The following PPP1R1C variants were observed in gnomAD, a reference collection of about 807,000 sequenced individuals.
The protein encoded by PPP1R1C is protein phosphatase 1 regulatory inhibitor subunit 1C, also known as protein phosphatase 1 regulatory subunit 1C.
A neutral mutation model predicts 17.4 loss-of-function variants in PPP1R1C; 15 were observed. The ratio of observed to expected loss-of-function variants is 0.86; its 90% CI spans 0.58 to 1.33. The LOEUF is 1.33. PPP1R1C is among the 40% of genes most tolerant of loss of function. The pLI is 0.00. For missense variants in PPP1R1C, 143 were observed against 130.0 expected, an observed-to-expected ratio of 1.10 and a Z score of -0.48; for synonymous variants, 35 against 43.1, an observed-to-expected ratio of 0.81 and a Z score of 0.73.
intron 2 of PPP1R1C, among the ~76,000 whole-genome samples, chr2:182,056,441 T>G (rs1687686927): frequency 6.6e-6 from 1 of 152,252 alleles, no homozygotes. Flanking sequence ...TTGCTATTGC[T>G]TTTGAGCAGA....
intron 4 of PPP1R1C, among the ~76,000 whole-genome samples, chr2:182,104,372 TG>T (rs1243842603): frequency 6.6e-6 from 1 of 152,236 alleles, no homozygotes; most frequent in East Asian, 1.9e-4. Context: ...ATACCTAATT[TG>T]TTAAGTGGTT....
chr2:182,105,233 T>C (rs572189671), intron 4 of PPP1R1C, among the ~76,000 whole-genome samples: 1 of 152,268 alleles, frequency 6.6e-6, no homozygotes, highest in Non-Finnish European at 1.5e-5. Flanking sequence ...GGTGTGGGAA[T>C]GTTGAAGATT....
At chr2:181,964,475 A>T (rs1684870112) in intron 1 of PPP1R1C, among the ~76,000 whole-genome samples, 1 of 152,156 alleles carries the variant, frequency 6.6e-6, no homozygotes. Context: ...TCTTTTGGGT[A>T]TACACTAAGC....
chr2:182,098,249 T>A (rs567475217), intron 4 of PPP1R1C, among the ~76,000 whole-genome samples: 4 of 152,322 alleles, frequency 2.6e-5, no homozygotes, highest in African/African-American at 4.8e-5. Flanking sequence ...GCATTTGTAC[T>A]TGTAGAAATA....
chr2:182,046,106 TTCCTTCCTTCCTTCCTTC>T (rs1203687838), intron 2 of PPP1R1C, among the ~76,000 whole-genome samples: 3 of 23,100 alleles, frequency 1.3e-4, no homozygotes, highest in Non-Finnish European at 6.4e-4. Flanking sequence ...CCTTCCTTCC[TTCCTTCCTTCCTTCCTTC>T]CTTCCTTCCT....
At chr2:182,090,908 A>G (rs1320784252) in intron 4 of PPP1R1C, among the ~76,000 whole-genome samples, 2 of 152,204 alleles carry the variant, frequency 1.3e-5, no homozygotes. Context: ...AAAGTTTGAG[A>G]ATAAAAATAG....
chr2:181,964,081 G>A (rs529082323), intron 1 of PPP1R1C, among the ~76,000 whole-genome samples: 9 of 151,998 alleles, frequency 5.9e-5, no homozygotes, highest in Non-Finnish European at 8.8e-5. Context: ...ATTTTTGTAC[G>A]CATTAACCAG....
intron 2 of PPP1R1C, among the ~76,000 whole-genome samples, chr2:182,022,137 T>C (rs1686447422): frequency 6.6e-6 from 1 of 152,296 alleles, no homozygotes; most frequent in South Asian, 2.1e-4. Context: ...TGCTATTGTT[T>C]AAATTAAACA....
chr2:182,010,074 T>C (rs1288011249), intron 2 of PPP1R1C, among the ~76,000 whole-genome samples: 6 of 152,104 alleles, frequency 3.9e-5, no homozygotes, highest in African/African-American at 1.4e-4. Flanking sequence ...TTTTGTTCTT[T>C]TTGCTCAGGA....
intron 4 of PPP1R1C, among the ~76,000 whole-genome samples, chr2:182,096,821 T>C (rs887285910): frequency 9.2e-5 from 14 of 152,204 alleles, no homozygotes; most frequent in African/African-American, 2.9e-4. Context: ...TCTGTCAAAA[T>C]CATGCAAGTT....
At chr2:182,038,555 T>G (rs1574401359) in intron 2 of PPP1R1C, among the ~76,000 whole-genome samples, 1 of 152,186 alleles carries the variant, frequency 6.6e-6, no homozygotes, top group African/African-American at 2.4e-5. Context: ...GCTGAGGAGA[T>G]CCTGACAAGC....
chr2:181,970,641 T>A (rs1684990150), intron 1 of PPP1R1C, among the ~76,000 whole-genome samples: 1 of 152,162 alleles, frequency 6.6e-6, no homozygotes. Context: ...CAGCCAGGCT[T>A]ATGGCTTTTC....
chr2:181,997,613 T>A (rs1014862883), intron 2 of PPP1R1C, among the ~76,000 whole-genome samples: 2 of 152,224 alleles, frequency 1.3e-5, no homozygotes, highest in Non-Finnish European at 2.9e-5. Context: ...AATTATTTTT[T>A]AAAAAGTAAA....
chr2:182,125,175 G>C (rs1477119801), intron 5 of PPP1R1C, among the ~76,000 whole-genome samples: 1 of 152,052 alleles, frequency 6.6e-6, no homozygotes, highest in East Asian at 1.9e-4. Flanking sequence ...TTTTGTCATT[G>C]GTTCTGTTTA....
chr2:182,051,276 TA>T, intron 2 of PPP1R1C, among the ~76,000 whole-genome samples: 1 of 152,232 alleles, frequency 6.6e-6, no homozygotes, highest in Non-Finnish European at 1.5e-5. Flanking sequence ...GACCAGTGTT[TA>T]AAGTCTGTGG....
intron 2 of PPP1R1C, among the ~76,000 whole-genome samples, chr2:182,004,287 A>C (rs1320727285): frequency 6.6e-6 from 1 of 152,176 alleles, no homozygotes; most frequent in African/African-American, 2.4e-5. Context: ...TCTACTCCCT[A>C]GCAATACACA....
In PPP1R1C at chr2:181,992,387, T is replaced by C. The variant is rs1414921449; in HGVS notation, c.142+4488T>C. ...TCTCCCTAAGGGCTTTAATAAACTC[T>C]ATCCGAATTCTCCCTATTGCTCTGC... On this transcript the variant is annotated intron_variant, in intron 2 of 4. Transcript: ENST00000682840. Among the ~76,000 whole-genome samples the C allele has an allele frequency of 1.5e-5, 2 of 135,348 alleles. 1 individual carries two copies. Among genetic ancestry groups the C allele is most frequent in the East Asian group, 4.0e-4 (2 of 4,990 alleles). 88.8% of individuals were successfully genotyped at this position (135,348 alleles called of 152,430 possible). A position where few individuals can be genotyped will look rare whatever the true frequency, so the allele number is the denominator to read the frequency against.
intron 4 of PPP1R1C, among the ~76,000 whole-genome samples, chr2:182,107,895 A>C (rs1424414360): frequency 3.3e-5 from 5 of 151,532 alleles, no homozygotes; most frequent in Non-Finnish European, 7.4e-5. Flanking sequence ...TCTGCTTGCT[A>C]TTGTAGGTGA....
chr2:182,069,812 A>G (rs373592536), intron 4 of PPP1R1C, among the ~76,000 whole-genome samples: 2 of 152,382 alleles, frequency 1.3e-5, no homozygotes, highest in South Asian at 4.1e-4. Context: ...AAGCAGGGAA[A>G]AAGATAAACT....
Sources: allele counts gnomAD v4.1 joint callset (sites outside exome capture counted in the v4.1 genomes callset), GRCh38; gene constraint gnomAD v4.1.1; transcripts MANE v1.5; gene names NCBI Gene and HGNC (gene_info 2026-07-23, HGNC 2026-07-21).